The following NALF1 variants were observed in gnomAD, a reference collection of about 807,000 sequenced individuals.
NALF1 encodes the protein family with sequence similarity 155 member A.
In NALF1, 3 loss-of-function variants were observed where a neutral mutation model predicts 48.4. That is an observed-to-expected ratio of 0.06 (90% CI 0.03 to 0.16). The LOEUF is 0.16. NALF1 is among the 10% of genes least tolerant of loss of function. The pLI is 1.00. For missense variants in NALF1, 526 were observed against 571.5 expected (o/e 0.92, Z 0.81); for synonymous variants, 262 against 245.7 (o/e 1.07, Z -0.62).
chr13:107,838,643 A>G (rs542591752), intron 1 of NALF1, among the ~76,000 whole-genome samples: 1 of 152,164 alleles, frequency 6.6e-6, no homozygotes, highest in Non-Finnish European at 1.5e-5. Context: ...AGAGTTGAAA[A>G]GTGCTTTAGA....
In NALF1 at chr13:107,865,741, G is replaced by A; in HGVS notation, c.856C>T (p.Leu286Phe). ...TCCTCCGACTGTAAATATTTGTGGA[G>A]CACGCTTTCAAACTCTTCGTATTTC... The part of the protein sequence containing the change: ...QEKYEEFESV[L>F]HKYLQSEEYS... The change falls in exon 1 of 3, where the codon CTC becomes TTC. Residue 286 changes from leucine (L) to phenylalanine (F), a missense_variant. Transcript: ENST00000375915. The A allele has an allele frequency of 6.2e-7, 1 of 1,614,060 alleles. No homozygotes were observed.
chr13:107,348,031 G>A (rs1433639717), intron 1 of NALF1, among the ~76,000 whole-genome samples: 2 of 152,184 alleles, frequency 1.3e-5, no homozygotes, highest in Non-Finnish European at 1.5e-5. Context: ...CCCCATGGAC[G>A]TTTTCCCCAA....
intron 1 of NALF1, among the ~76,000 whole-genome samples, chr13:107,280,918 A>C (rs1881374391): frequency 6.6e-6 from 1 of 152,236 alleles, no homozygotes; most frequent in Admixed American, 6.5e-5. Context: ...AGAAAGTTGT[A>C]TCCCTTTGTA....
chr13:107,429,371 A>C (rs1174296067), intron 1 of NALF1, among the ~76,000 whole-genome samples: 1 of 152,066 alleles, frequency 6.6e-6, no homozygotes, highest in African/African-American at 2.4e-5. Flanking sequence ...CCATGTGTTT[A>C]TTATGCTGAC....
chr13:107,346,983 T>C (rs371298534), intron 1 of NALF1, among the ~76,000 whole-genome samples: 7 of 152,370 alleles, frequency 4.6e-5, no homozygotes, highest in African/African-American at 1.7e-4. Context: ...AGAATTAGGT[T>C]TGTAAATTCT....
chr13:107,622,151 GGGTACGGTGGCTCATGCCTGTAATCCCA>G (rs1879535348), intron 1 of NALF1, among the ~76,000 whole-genome samples: 2 of 151,908 alleles, frequency 1.3e-5, no homozygotes, highest in Non-Finnish European at 2.9e-5. Context: ...AATCATGGCT[GGGTACGGTGGCTCATGCCTGTAATCCCA>G]GCACTTTGGG....
chr13:107,622,546 T>A (rs1029761393), intron 1 of NALF1, among the ~76,000 whole-genome samples: 1 of 151,870 alleles, frequency 6.6e-6, no homozygotes, highest in African/African-American at 2.4e-5. Flanking sequence ...CTGTCTCTGC[T>A]AAATTTTGCC....
At chr13:107,225,918 T>C (rs899160015) in intron 1 of NALF1, among the ~76,000 whole-genome samples, 1 of 151,982 alleles carries the variant, frequency 6.6e-6, no homozygotes, top group African/African-American at 2.4e-5. Flanking sequence ...CTTCTGCTTG[T>C]TTCCCTTACA....
In NALF1 at chr13:107,490,877, C is replaced by T. The variant is rs768626718; in HGVS notation, c.916-280122G>A. Among the ~76,000 whole-genome samples, 3 of 152,144 alleles carry T rather than the reference C, an allele frequency of 2.0e-5. No homozygotes were observed. The East Asian group carries it at 5.8e-4, about 29-fold the overall frequency. On this transcript the variant is annotated intron_variant, in intron 1 of 2. Coordinates refer to ENST00000375915, the MANE Select transcript of NALF1 (RefSeq NM_001080396.3). Reference sequence around the variant, plus strand: ...TTTAATCAATTTCACTAAACTCCTGCACATTCTGCAAAGACAAGACACTAA... The same window carrying T: ...TTTAATCAATTTCACTAAACTCCTGTACATTCTGCAAAGACAAGACACTAA...
chr13:107,379,613 T>C (rs1287763690), intron 1 of NALF1, among the ~76,000 whole-genome samples: 2 of 152,166 alleles, frequency 1.3e-5, no homozygotes, highest in African/African-American at 4.8e-5. Flanking sequence ...ATGTTGCTAA[T>C]GACAGCACAG....
intron 1 of NALF1, among the ~76,000 whole-genome samples, chr13:107,471,768 G>C (rs1885104804): frequency 6.6e-6 from 1 of 152,096 alleles, no homozygotes; most frequent in Non-Finnish European, 1.5e-5. Flanking sequence ...GAAAATATAA[G>C]ATAAGTACCC....
intron 1 of NALF1, among the ~76,000 whole-genome samples, chr13:107,801,032 C>T (rs1182870405): frequency 6.6e-6 from 1 of 152,096 alleles, no homozygotes; most frequent in African/African-American, 2.4e-5. Flanking sequence ...ACTACAAGTC[C>T]TACACAATCT....
At chr13:107,732,546 T>TC (rs1876338864) in intron 1 of NALF1, among the ~76,000 whole-genome samples, 1 of 152,190 alleles carries the variant, frequency 6.6e-6, no homozygotes, top group Non-Finnish European at 1.5e-5. Context: ...AGGGCAGTCT[T>TC]CCAATGGTTG....
chr13:107,644,071 T>C (rs1880239226), intron 1 of NALF1, among the ~76,000 whole-genome samples: 1 of 73,010 alleles, frequency 1.4e-5, no homozygotes, highest in East Asian at 8.1e-4. Context: ...GATATTTATT[T>C]TTAAGTAGAA....
At chr13:107,335,127 C>T (rs762253150) in intron 1 of NALF1, among the ~76,000 whole-genome samples, 3 of 152,140 alleles carry the variant, frequency 2.0e-5, no homozygotes, top group Non-Finnish European at 2.9e-5. Flanking sequence ...ATCTGCCCCA[C>T]ACCCAGCATC....
chr13:107,251,206 C>T (rs1169590437), intron 1 of NALF1, among the ~76,000 whole-genome samples: 1 of 152,098 alleles, frequency 6.6e-6, no homozygotes, highest in East Asian at 1.9e-4. Flanking sequence ...AAAAATAAAA[C>T]AGGCAAGATT....
chr13:107,375,768 A>G (rs896963493), intron 1 of NALF1, among the ~76,000 whole-genome samples: 15 of 152,188 alleles, frequency 9.9e-5, no homozygotes, highest in Non-Finnish European at 2.2e-4. Flanking sequence ...TATCACAGTA[A>G]AAAGAAAAGA....
At chr13:107,784,377 T>C (rs1269804734) in intron 1 of NALF1, among the ~76,000 whole-genome samples, 4 of 152,186 alleles carry the variant, frequency 2.6e-5, no homozygotes, top group South Asian at 2.1e-4. Flanking sequence ...CTGTTCCTAG[T>C]TGTCAGTTCA....
intron 1 of NALF1, among the ~76,000 whole-genome samples, chr13:107,659,144 C>T (rs571959128): frequency 6.6e-6 from 1 of 151,736 alleles, no homozygotes; most frequent in Non-Finnish European, 1.5e-5. Context: ...CACACACACA[C>T]GCACTCAAAC....
Sources: gnomAD v4.1 joint callset for allele counts (sites outside exome capture counted in the v4.1 genomes callset) on GRCh38, gnomAD v4.1.1 for gene constraint, MANE v1.5 for transcripts, NCBI Gene and HGNC (gene_info 2026-07-23, HGNC 2026-07-21) for gene names.